The following NXPH2 variants were observed in gnomAD, a reference collection of about 807,000 sequenced individuals.
NXPH2 encodes the protein neurexophilin-2.
A neutral mutation model predicts 19.8 loss-of-function variants in NXPH2; 5 were observed. The observed-to-expected ratio is 0.25, with a 90% CI of 0.13 to 0.53. The LOEUF is 0.53. Among genes scored for constraint, NXPH2 ranks in the 20% least tolerant of loss-of-function variants. The pLI, the probability that NXPH2 is intolerant of heterozygous loss-of-function variation, is 0.96. For synonymous variants in NXPH2, 154 were observed against 127.4 expected (o/e 1.21, Z -1.41); for missense variants, 289 against 322.8 (o/e 0.90, Z 0.80).
chr2:138,754,142 T>C (rs888191769), intron 1 of NXPH2, among the ~76,000 whole-genome samples: 8 of 152,178 alleles, frequency 5.3e-5, no homozygotes, highest in Admixed American at 1.3e-4. Context: ...ATTAGGCTAT[T>C]TTGTCATATT....
chr2:138,731,628 C>A (rs1022203428), intron 1 of NXPH2, among the ~76,000 whole-genome samples: 43 of 152,098 alleles, frequency 2.8e-4, no homozygotes, highest in Non-Finnish European at 3.1e-4. Flanking sequence ...AATCTGTGAA[C>A]ACTCAAGATG....
At chr2:138,679,964 C>A (rs915988608) in intron 1 of NXPH2, among the ~76,000 whole-genome samples, 1 of 151,902 alleles carries the variant, frequency 6.6e-6, no homozygotes, top group Non-Finnish European at 1.5e-5. Flanking sequence ...CAGTGCATTG[C>A]AGAAAAAGAT....
intron 1 of NXPH2, among the ~76,000 whole-genome samples, chr2:138,736,753 A>G (rs1286028221): frequency 6.6e-6 from 1 of 152,108 alleles, no homozygotes; most frequent in Non-Finnish European, 1.5e-5. Context: ...CTTTTATGCT[A>G]TTTCCCTTTT....
intron 1 of NXPH2, among the ~76,000 whole-genome samples, chr2:138,704,625 A>C (rs976569995): frequency 4.0e-4 from 61 of 152,156 alleles, no homozygotes; most frequent in Admixed American, 3.5e-3. Context: ...CTCCTTTAGA[A>C]GATTCTACTG....
intron 1 of NXPH2, among the ~76,000 whole-genome samples, chr2:138,757,932 G>A (rs1227864681): frequency 6.6e-6 from 1 of 151,854 alleles, no homozygotes; most frequent in East Asian, 1.9e-4. Context: ...TTCTACCAAA[G>A]TCACGTTCCT....
Position 138,780,327 on chromosome 2 carries a change from GCCAGGGACA to G in NXPH2, c.-95_-87del, listed in dbSNP as rs1255645311. The stretch of plus-strand genomic sequence containing the variant: ...CACTTCGCGGGGCAGGACTGAGGAC[GCCAGGGACA>G]CAGCGCGGCGCTTCCCTCCCGGAAT... On this transcript the variant is annotated 5_prime_UTR_variant, in exon 1 of 2. Transcript: ENST00000272641. 1 of 1,009,010 alleles carries G rather than the reference GCCAGGGACA, an allele frequency of 9.9e-7. No individual in the cohort carries two copies. The highest frequency in any genetic ancestry group is 4.9e-5 in the Admixed American group (1 of 20,210). 62.5% of individuals were successfully genotyped at this position (1,009,010 alleles called of 1,614,324 possible). A position where few individuals can be genotyped will look rare whatever the true frequency, so the allele number is the denominator to read the frequency against.
chr2:138,707,405 G>A (rs773884624), intron 1 of NXPH2, among the ~76,000 whole-genome samples: 11 of 152,150 alleles, frequency 7.2e-5, no homozygotes, highest in Non-Finnish European at 1.5e-4. Context: ...AAAGTTTCAT[G>A]TATGTTGGAT....
intron 1 of NXPH2, among the ~76,000 whole-genome samples, chr2:138,699,100 T>C (rs1680877600): frequency 6.6e-6 from 1 of 152,102 alleles, no homozygotes; most frequent in Non-Finnish European, 1.5e-5. Flanking sequence ...TGTATGTACA[T>C]AAACATATAT....
At position 138,675,001 on chromosome 2, in the gene NXPH2, C is replaced by A. The variant is rs143724393; in HGVS notation, c.52-3336G>T. Among the ~76,000 whole-genome samples, 220 of 152,290 alleles carry A rather than the reference C, an allele frequency of 1.4e-3. 4 individuals carry two copies. The highest frequency in any genetic ancestry group is 2.4e-4 in the Non-Finnish European group (16 of 68,016). ...GCTTCTGAACTTCTTCCCTCACTCC[C>A]ACCTTCCTTCTCCTGTTTCATGGGA... On this transcript the variant is annotated intron_variant, in intron 1 of 1. Coordinates refer to ENST00000272641, the MANE Select transcript of NXPH2 (RefSeq NM_007226.3).
intron 1 of NXPH2, among the ~76,000 whole-genome samples, chr2:138,691,603 T>C (rs1429859586): frequency 6.6e-6 from 1 of 152,174 alleles, no homozygotes; most frequent in Non-Finnish European, 1.5e-5. Context: ...TATTCCTCAC[T>C]ATTGGGAGAA....
chr2:138,776,457 G>C (rs1682263651), intron 1 of NXPH2, among the ~76,000 whole-genome samples: 2 of 151,980 alleles, frequency 1.3e-5, no homozygotes. Flanking sequence ...AATAAACCAA[G>C]GGAATACAAC....
chr2:138,724,415 T>C (rs1681326255), intron 1 of NXPH2, among the ~76,000 whole-genome samples: 1 of 152,252 alleles, frequency 6.6e-6, no homozygotes, highest in African/African-American at 2.4e-5. Flanking sequence ...AACTCAGGTC[T>C]GATCACCAAA....
chr2:138,717,828 TAGAA>T (rs1681215814), intron 1 of NXPH2, among the ~76,000 whole-genome samples: 1 of 152,122 alleles, frequency 6.6e-6, no homozygotes, highest in Non-Finnish European at 1.5e-5. Flanking sequence ...ATATTATCCT[TAGAA>T]AGATTAGGAA....
intron 1 of NXPH2, among the ~76,000 whole-genome samples, chr2:138,763,361 A>G (rs1167877187): frequency 2.0e-5 from 3 of 152,180 alleles, no homozygotes; most frequent in Non-Finnish European, 2.9e-5. Context: ...TTTAGAAATA[A>G]TATTTTTCCT....
At chr2:138,767,310 G>A (rs1294764365) in intron 1 of NXPH2, among the ~76,000 whole-genome samples, 1 of 152,254 alleles carries the variant, frequency 6.6e-6, no homozygotes, top group East Asian at 1.9e-4. Flanking sequence ...AGCAGAGACT[G>A]AGTCACACTC....
intron 1 of NXPH2, among the ~76,000 whole-genome samples, chr2:138,756,020 C>T (rs1681903858): frequency 6.6e-6 from 1 of 151,924 alleles, no homozygotes. Context: ...ACCTTGTATC[C>T]TGAGACCTTG....
chr2:138,745,823 G>A (rs536280139), intron 1 of NXPH2, among the ~76,000 whole-genome samples: 1 of 151,998 alleles, frequency 6.6e-6, no homozygotes, highest in African/African-American at 2.4e-5. Context: ...ATTATAGGGT[G>A]GGGGGAAGAA....
At chr2:138,722,608 T>G (rs1340612572) in intron 1 of NXPH2, among the ~76,000 whole-genome samples, 3 of 152,118 alleles carry the variant, frequency 2.0e-5, no homozygotes, top group Non-Finnish European at 4.4e-5. Flanking sequence ...GGAGGAGAGA[T>G]CTTCCAATAG....
At chr2:138,731,498 T>C (rs1226367072) in intron 1 of NXPH2, among the ~76,000 whole-genome samples, 1 of 152,120 alleles carries the variant, frequency 6.6e-6, no homozygotes, top group Non-Finnish European at 1.5e-5. Context: ...ATCATCTCTC[T>C]GGGCTTTGAC....
Sources: allele counts gnomAD v4.1 joint callset (sites outside exome capture counted in the v4.1 genomes callset), GRCh38; gene constraint gnomAD v4.1.1; transcripts MANE v1.5; gene names NCBI Gene and HGNC (gene_info 2026-07-23, HGNC 2026-07-21).